ARHGEF11: variants seen among roughly 807,000 people sequenced by gnomAD.
ARHGEF11 encodes Rho guanine nucleotide exchange factor 11, also known as Rho guanine exchange factor (GEF) 11.
A neutral mutation model predicts 193.7 loss-of-function variants in ARHGEF11; 55 were observed. The observed-to-expected ratio is 0.28, with a 90% CI of 0.23 to 0.36. ARHGEF11 has a LOEUF of 0.36. Among genes scored for constraint, ARHGEF11 ranks in the 10% least tolerant of loss-of-function variants. The pLI is 1.00. For synonymous variants in ARHGEF11, 693 were observed against 768.0 expected (o/e 0.90, Z 1.62); for missense variants, 1,723 against 2,005.6 (o/e 0.86, Z 2.69).
At position 156,945,156 on chromosome 1, in the gene ARHGEF11, G is replaced by C. The variant is rs758321102; in HGVS notation, c.2854C>G (p.Gln952Glu). 6.2e-6 allele frequency: 10 copies of C among 1,614,114 alleles called. No homozygotes were observed. The highest frequency in any genetic ancestry group is 2.2e-5 in the South Asian group (2 of 91,082). The change falls in exon 30 of 41, where the codon CAG (glutamine) becomes GAG (glutamate). Residue 952 changes from glutamine (Q) to glutamate (E), a missense_variant. Physicochemically the swap from Gln to Glu is conservative, Grantham distance 29. Coordinates refer to ENST00000368194, the MANE Select transcript of ARHGEF11 (RefSeq NM_198236.3). ...ACATACTTGAGAATCTCCCGGCACTGGTCCCGGGCCCGGCACAGCTTCTCA... is the reference window on the plus strand; with the variant it reads ...ACATACTTGAGAATCTCCCGGCACTCGTCCCGGGCCCGGCACAGCTTCTCA... ...EHEKLCRARD[Q>E]CREILKYVNE...
At chr1:156,992,839 C>G (rs1439783217) in intron 1 of ARHGEF11, among the ~76,000 whole-genome samples, 1 of 152,086 alleles carries the variant, frequency 6.6e-6, no homozygotes, top group Non-Finnish European at 1.5e-5. Context: ...CACTCAGACC[C>G]CTACAAAGTA....
intron 21 of ARHGEF11, 85 bp downstream of exon 21, chr1:156,954,807 G>A (rs1161778101): frequency 8.6e-7 from 1 of 1,161,292 alleles, no homozygotes; most frequent in Non-Finnish European, 1.3e-6. Flanking sequence ...GGGAGATGAT[G>A]AGAAAGAAAC....
At position 156,945,026 on chromosome 1, in the gene ARHGEF11, T is replaced by A. The variant is rs763693835; in HGVS notation, c.2984A>T (p.Glu995Val). 1.9e-6 allele frequency: 3 copies of A among 1,613,636 alleles called. No individual in the cohort carries two copies. In the Admixed American group the frequency reaches 5.0e-5, roughly 27 times the overall value. ...LERASNPLAA[E>V]FKSLDLTTRK... Reference sequence around the variant, plus strand: ...GCAGCCTCTGCCTCCTACCTTGAACTCTGCTGCCAGGGGGTTGCTGGCCCT... The same window carrying A: ...GCAGCCTCTGCCTCCTACCTTGAACACTGCTGCCAGGGGGTTGCTGGCCCT... The change falls in exon 30 of 41, where the codon GAG becomes GTG. Residue 995 changes from glutamate to valine, a missense_variant. Coordinates refer to ENST00000368194, the MANE Select transcript of ARHGEF11 (RefSeq NM_198236.3).
chr1:156,986,506 C>T (rs1571368820), intron 1 of ARHGEF11, among the ~76,000 whole-genome samples: 2 of 152,008 alleles, frequency 1.3e-5, no homozygotes, highest in South Asian at 4.2e-4. Flanking sequence ...TACCAGGCTG[C>T]AATGGGGCTG....
At chr1:156,997,441 T>TA (rs879726866) in intron 1 of ARHGEF11, among the ~76,000 whole-genome samples, 2 of 152,182 alleles carry the variant, frequency 1.3e-5, no homozygotes, top group Non-Finnish European at 2.9e-5. Context: ...GTTTAGCCTT[T>TA]AAAAAGATAA....
intron 1 of ARHGEF11, among the ~76,000 whole-genome samples, chr1:157,028,892 C>A (rs1402229951): frequency 6.6e-6 from 1 of 152,038 alleles, no homozygotes; most frequent in Non-Finnish European, 1.5e-5. Context: ...ACTGGCTGGG[C>A]GTGGTGGCTC....
chr1:157,025,619 C>T (rs757251166), intron 1 of ARHGEF11, among the ~76,000 whole-genome samples: 62 of 152,118 alleles, frequency 4.1e-4, no homozygotes, highest in Non-Finnish European at 7.8e-4. Flanking sequence ...AAGGGCTCTC[C>T]GTGAGATTGA....
intron 13 of ARHGEF11, 63 bp from the exon 14 acceptor site, chr1:156,961,838 G>C: frequency 6.9e-7 from 1 of 1,452,310 alleles, no homozygotes; most frequent in Non-Finnish European, 9.7e-7. Context: ...TTGCCCCCTA[G>C]GGGACGTTTG....
chr1:156,960,946 AC>A (rs1383813989), intron 14 of ARHGEF11, among the ~76,000 whole-genome samples: 1 of 152,172 alleles, frequency 6.6e-6, no homozygotes, highest in East Asian at 1.9e-4. Context: ...TTCCATAACA[AC>A]CAACAGAGAA....
rs146327274 is a variant in ARHGEF11 at position 157,042,109 on chromosome 1, G to C, written c.32+2190C>G. Reference sequence around the variant, plus strand: ...GTAAGATTCAGTGCAGCTAGCTGGGGATGTCTGAAGGGGATCTGAGTCCTA... The same window carrying C: ...GTAAGATTCAGTGCAGCTAGCTGGGCATGTCTGAAGGGGATCTGAGTCCTA... On this transcript the variant is annotated intron_variant, in intron 1 of 40. Coordinates refer to ENST00000368194, the MANE Select transcript of ARHGEF11 (RefSeq NM_198236.3). 5.1e-3 allele frequency among the ~76,000 whole-genome samples: 776 copies of C among 152,312 alleles called. 3 individuals are homozygous for C. Among genetic ancestry groups the C allele is most frequent in the Admixed American group, 8.3e-3 (127 of 15,302 alleles).
rs1662494439 is a variant in ARHGEF11, at chr1:156,971,624, C to T, written c.702+73G>A. 14 of 1,543,490 alleles carry T rather than the reference C, an allele frequency of 9.1e-6. No homozygotes were observed. In the South Asian group the frequency reaches 1.5e-4, roughly 16 times the overall value. ...GGCATAACCCAAGAAGCCTTCTGTC[C>T]TTGCTTTTTCCCTCACTCTACCCCC... On this transcript the variant is annotated intron_variant, in intron 8 of 40. Transcript: ENST00000368194.
chr1:156,963,434 G>C (rs1661251425), intron 12 of ARHGEF11, 86 bp downstream of exon 12: 1 of 1,521,676 alleles, frequency 6.6e-7, no homozygotes, highest in Admixed American at 1.7e-5. Flanking sequence ...TCCCTTCACA[G>C]CTGATGCTAG....
chr1:156,944,873 G>A (rs1275230057), intron 30 of ARHGEF11, 146 bp downstream of exon 30: 18 of 1,086,174 alleles, frequency 1.7e-5, no homozygotes, highest in Non-Finnish European at 2.2e-5. Context: ...ACAATAGCAG[G>A]GTGTGTGTCT....
chr1:157,011,011 A>G (rs1190316367), intron 1 of ARHGEF11, among the ~76,000 whole-genome samples: 2 of 152,216 alleles, frequency 1.3e-5, no homozygotes, highest in African/African-American at 4.8e-5. Flanking sequence ...AGTTGACCCT[A>G]AAATTCATAT....
chr1:156,981,665 G>C (rs1460628915), intron 3 of ARHGEF11, among the ~76,000 whole-genome samples: 1 of 151,980 alleles, frequency 6.6e-6, no homozygotes, highest in Non-Finnish European at 1.5e-5. Flanking sequence ...GTAGAGACAG[G>C]GTTTCACCAT....
intron 1 of ARHGEF11, among the ~76,000 whole-genome samples, chr1:157,002,764 G>A (rs1667359958): frequency 6.6e-6 from 1 of 152,164 alleles, no homozygotes; most frequent in South Asian, 2.1e-4. Flanking sequence ...GGGAACTCAT[G>A]ATGATAATAA....
chr1:156,982,924 T>C (rs1359260259), intron 3 of ARHGEF11, among the ~76,000 whole-genome samples: 5 of 152,264 alleles, frequency 3.3e-5, no homozygotes, highest in Admixed American at 2.0e-4. Flanking sequence ...TACTTATTTA[T>C]ATCCTTATAT....
At chr1:156,989,920 T>C (rs997982357) in intron 1 of ARHGEF11, among the ~76,000 whole-genome samples, 2 of 152,198 alleles carry the variant, frequency 1.3e-5, no homozygotes, top group African/African-American at 4.8e-5. Context: ...ACTTTACCCC[T>C]ATTTTAGCCT....
At chr1:156,942,612 G>T in intron 33 of ARHGEF11, 78 bp downstream of exon 33, 1 of 1,359,052 alleles carries the variant, frequency 7.4e-7, no homozygotes. Flanking sequence ...ACCTGGCCTT[G>T]CTACCCACTG....
Sources: allele counts gnomAD v4.1 joint callset (sites outside exome capture counted in the v4.1 genomes callset), GRCh38; gene constraint gnomAD v4.1.1; transcripts MANE v1.5; gene names NCBI Gene and HGNC (gene_info 2026-07-23, HGNC 2026-07-21).